FOXN3: variants seen among roughly 807,000 people sequenced by gnomAD.
FOXN3 encodes the protein forkhead box N3.
In FOXN3, 7 loss-of-function variants were observed where a neutral mutation model predicts 38.4. The ratio of observed to expected loss-of-function variants is 0.18; its 90% CI spans 0.10 to 0.34. The LOEUF is 0.34. Among genes scored for constraint, FOXN3 ranks in the 10% least tolerant of loss-of-function variants. The probability of loss-of-function intolerance (pLI) is 1.00; values close to 1 mark genes in which losing one functional copy is unlikely to be tolerated. For missense variants in FOXN3, 456 were observed against 613.4 expected (o/e 0.74, Z 2.71); for synonymous variants, 230 against 242.2 (o/e 0.95, Z 0.47).
chr14:89,587,363 T>C (rs758605817), intron 1 of FOXN3, among the ~76,000 whole-genome samples: 12 of 152,160 alleles, frequency 7.9e-5, no homozygotes, highest in Non-Finnish European at 1.5e-4. Flanking sequence ...AGTTAATACA[T>C]AAAATTACAC....
At chr14:89,372,771 C>T (rs1890360640) in intron 2 of FOXN3, among the ~76,000 whole-genome samples, 1 of 151,664 alleles carries the variant, frequency 6.6e-6, no homozygotes, top group South Asian at 2.1e-4. Flanking sequence ...ACAAAAAACA[C>T]CACACTAATA....
intron 4 of FOXN3, among the ~76,000 whole-genome samples, chr14:89,220,278 C>T (rs1884423538): frequency 6.6e-6 from 1 of 152,166 alleles, no homozygotes; most frequent in African/African-American, 2.4e-5. Context: ...ATCCCGGCTC[C>T]AGTACTTACC....
chr14:89,287,116 C>T (rs933070393), intron 3 of FOXN3, among the ~76,000 whole-genome samples: 1 of 152,134 alleles, frequency 6.6e-6, no homozygotes, highest in African/African-American at 2.4e-5. Flanking sequence ...AAAAAAATTG[C>T]TTTCTAGACT....
intron 4 of FOXN3, among the ~76,000 whole-genome samples, chr14:89,181,199 G>GT (rs1374925624): frequency 6.6e-6 from 1 of 151,218 alleles, no homozygotes; most frequent in Admixed American, 6.6e-5. Flanking sequence ...TAATGCCTAG[G>GT]TTAAAAAAAA....
At chr14:89,421,687 C>T (rs140126267), upstream of FOXN3, among the ~76,000 whole-genome samples, 2,980 of 150,976 alleles carry the variant, frequency 0.02, 113 homozygotes, top group African/African-American at 0.069. Context: ...CCACCACGCA[C>T]GGCTAATTTT....
chr14:89,538,612 G>A (rs1461328933), intron 1 of FOXN3, among the ~76,000 whole-genome samples: 3 of 152,044 alleles, frequency 2.0e-5, no homozygotes, highest in Non-Finnish European at 2.9e-5. Context: ...TCTGCCTCCC[G>A]AGTTCAAGCA....
At chr14:89,467,041 G>A (rs10148035) in intron 1 of FOXN3, among the ~76,000 whole-genome samples, 11,879 of 152,260 alleles carry the variant, frequency 0.078, 516 homozygotes, top group Middle Eastern at 0.12. Context: ...ACTGTTGGGC[G>A]ATGGTAATAA....
chr14:89,489,559 G>C (rs1418451023), intron 1 of FOXN3, among the ~76,000 whole-genome samples: 1 of 152,098 alleles, frequency 6.6e-6, no homozygotes, highest in Non-Finnish European at 1.5e-5. Context: ...CCACAATAGA[G>C]CATCTAGTTA....
chr14:89,215,666 T>C (rs532085797), intron 4 of FOXN3, among the ~76,000 whole-genome samples: 1 of 152,322 alleles, frequency 6.6e-6, no homozygotes, highest in South Asian at 2.1e-4. Context: ...GTTTTTCATA[T>C]GGCATGTCTC....
At chr14:89,186,365 C>A (rs909346401) in intron 4 of FOXN3, among the ~76,000 whole-genome samples, 2 of 152,020 alleles carry the variant, frequency 1.3e-5, no homozygotes, top group South Asian at 2.1e-4. Flanking sequence ...TGGGAACCTT[C>A]CAACCAGGGA....
intron 2 of FOXN3, among the ~76,000 whole-genome samples, chr14:89,359,077 G>T (rs1889349404): frequency 6.6e-6 from 1 of 152,058 alleles, no homozygotes. Flanking sequence ...GAAGGCAGAG[G>T]ATCACCTGAG....
intron 3 of FOXN3, among the ~76,000 whole-genome samples, chr14:89,297,883 C>A (rs555505075): frequency 6.6e-6 from 1 of 152,186 alleles, no homozygotes; most frequent in African/African-American, 2.4e-5. Flanking sequence ...TACTTGGGAA[C>A]CTGAGGCAGG....
At chr14:89,588,773 G>A (rs1168658490) in intron 1 of FOXN3, among the ~76,000 whole-genome samples, 2 of 152,206 alleles carry the variant, frequency 1.3e-5, no homozygotes, top group Admixed American at 1.3e-4. Flanking sequence ...CTGTCTTCAT[G>A]AAGAAGGATT....
At chr14:89,310,093 G>A (rs1305770384) in intron 3 of FOXN3, among the ~76,000 whole-genome samples, 1 of 152,138 alleles carries the variant, frequency 6.6e-6, no homozygotes, top group African/African-American at 2.4e-5. Flanking sequence ...AATTCCCCTG[G>A]GTGCCAGCAC....
chr14:89,399,365 C>G (rs1251459756), intron 2 of FOXN3, among the ~76,000 whole-genome samples: 1 of 152,162 alleles, frequency 6.6e-6, no homozygotes, highest in East Asian at 1.9e-4. Flanking sequence ...GAGGCTAGAA[C>G]AGATCCTCAG....
At position 89,164,173 on chromosome 14, in the gene FOXN3, G is replaced by A. The variant is rs536093763; in HGVS notation, c.852-1204C>T. ...TAGGACCCATGCTCCTTATGTCTGGGAGGCAGCTGCCTGTCTGTTAGTGCC... is the reference window on the plus strand; with the variant it reads ...TAGGACCCATGCTCCTTATGTCTGGAAGGCAGCTGCCTGTCTGTTAGTGCC... On this transcript the variant is annotated intron_variant, in intron 5 of 5. Transcript: ENST00000557258. The surrounding 1 kb of genome is among the most constrained non-coding windows in gnomAD (Gnocchi z 4.3). 1.3e-5 allele frequency among the ~76,000 whole-genome samples: 2 copies of A among 152,336 alleles called. No homozygotes were observed. The highest frequency in any genetic ancestry group is 2.9e-5 in the Non-Finnish European group (2 of 68,030).
At chr14:89,465,464 G>C (rs370903134) in intron 1 of FOXN3, among the ~76,000 whole-genome samples, 1 of 151,870 alleles carries the variant, frequency 6.6e-6, no homozygotes, top group Non-Finnish European at 1.5e-5. Context: ...TCTTGACCTC[G>C]TGATCCACCC....
chr14:89,408,375 A>C (rs1336841093), intron 2 of FOXN3, among the ~76,000 whole-genome samples: 1 of 151,294 alleles, frequency 6.6e-6, no homozygotes, highest in Non-Finnish European at 1.5e-5. Context: ...CTTCCATCTC[A>C]GCCTCCTGAG....
intron 4 of FOXN3, among the ~76,000 whole-genome samples, chr14:89,184,526 G>A (rs1887754472): frequency 1.3e-5 from 2 of 152,226 alleles, no homozygotes; most frequent in African/African-American, 4.8e-5. Flanking sequence ...TGGAGACCAC[G>A]TTCTTTGGAT....
Sources: gnomAD v4.1 joint callset for allele counts (sites outside exome capture counted in the v4.1 genomes callset) on GRCh38, gnomAD v4.1.1 for gene constraint, Gnocchi (gnomAD v3.1) non-coding constraint, MANE v1.5 for transcripts, NCBI Gene and HGNC (gene_info 2026-07-23, HGNC 2026-07-21) for gene names.